The following SLC1A2 variants were observed in gnomAD, a reference collection of about 807,000 sequenced individuals.
SLC1A2 encodes the protein excitatory amino acid transporter 2.
SLC1A2 carries 15 observed loss-of-function variants against 48.8 expected under a neutral mutation model. The ratio of observed to expected loss-of-function variants is 0.31; its 90% CI spans 0.21 to 0.47. SLC1A2 has a LOEUF of 0.47. Among genes scored for constraint, SLC1A2 ranks in the 20% least tolerant of loss-of-function variants. The probability of loss-of-function intolerance (pLI) is 0.99; values close to 1 mark genes in which losing one functional copy is unlikely to be tolerated. For synonymous variants in SLC1A2, 279 were observed against 272.6 expected (o/e 1.02, Z -0.23); for missense variants, 502 against 730.5 (o/e 0.69, Z 3.61).
chr11:35,324,786 T>G (rs1392427948), intron 1 of SLC1A2, among the ~76,000 whole-genome samples: 1 of 152,058 alleles, frequency 6.6e-6, no homozygotes, highest in Non-Finnish European at 1.5e-5. Flanking sequence ...TTCTGTGAAA[T>G]CCTTCCCCAG....
At chr11:35,388,802 G>A (rs1854664620) in intron 1 of SLC1A2, among the ~76,000 whole-genome samples, 1 of 152,184 alleles carries the variant, frequency 6.6e-6, no homozygotes, top group Non-Finnish European at 1.5e-5. Context: ...CGGATGCTCA[G>A]AAAGCATGAG....
chr11:35,302,125 G>A (rs1040116079), intron 5 of SLC1A2, among the ~76,000 whole-genome samples: 2 of 152,170 alleles, frequency 1.3e-5, no homozygotes, highest in African/African-American at 2.4e-5. Flanking sequence ...CCAAATCAAT[G>A]CATGGCTGGT....
intron 1 of SLC1A2, among the ~76,000 whole-genome samples, chr11:35,383,892 G>A (rs1337668524): frequency 6.6e-6 from 1 of 152,118 alleles, no homozygotes; most frequent in Non-Finnish European, 1.5e-5. Flanking sequence ...GTACATCTAT[G>A]GTGTGACATC....
intron 1 of SLC1A2, among the ~76,000 whole-genome samples, chr11:35,370,504 C>T (rs1236975828): frequency 6.6e-6 from 1 of 152,150 alleles, no homozygotes; most frequent in African/African-American, 2.4e-5. Context: ...GGCAACTGTG[C>T]CTCACCAAGA....
intron 1 of SLC1A2, among the ~76,000 whole-genome samples, chr11:35,394,845 A>G (rs1854902526): frequency 6.6e-6 from 1 of 152,192 alleles, no homozygotes; most frequent in Non-Finnish European, 1.5e-5. Context: ...AATAAAGACA[A>G]CTGTTCTTCT....
At chr11:35,263,378 GA>G (rs1374477679) in intron 10 of SLC1A2, among the ~76,000 whole-genome samples, 1 of 152,132 alleles carries the variant, frequency 6.6e-6, no homozygotes, top group Non-Finnish European at 1.5e-5. Context: ...TGAGGCAGGA[GA>G]ATTGCTTGAA....
chr11:35,287,975 G>T (rs955472594), intron 7 of SLC1A2, among the ~76,000 whole-genome samples: 3 of 152,118 alleles, frequency 2.0e-5, no homozygotes, highest in Non-Finnish European at 2.9e-5. Context: ...AACATTTGGA[G>T]GTGTTTTCTC....
intron 1 of SLC1A2, among the ~76,000 whole-genome samples, chr11:35,319,247 C>T (rs558656388): frequency 1.3e-5 from 2 of 152,264 alleles, no homozygotes; most frequent in Admixed American, 1.3e-4. Context: ...ATTCATTTTA[C>T]AACACAGCAG....
At chr11:35,374,301 T>C in intron 1 of SLC1A2, 1 of 1,038,296 alleles carries the variant, frequency 9.6e-7, no homozygotes, top group Non-Finnish European at 1.4e-6. Flanking sequence ...GGCCACAGAA[T>C]TCTCTCCAGA....
At chr11:35,413,070 T>C (rs974876001) in intron 1 of SLC1A2, among the ~76,000 whole-genome samples, 1 of 152,312 alleles carries the variant, frequency 6.6e-6, no homozygotes, top group Admixed American at 6.5e-5. Flanking sequence ...CACTAGGCAA[T>C]GGTGTATACC....
At chr11:35,355,716 C>T (rs907709353) in intron 1 of SLC1A2, among the ~76,000 whole-genome samples, 1 of 152,112 alleles carries the variant, frequency 6.6e-6, no homozygotes, top group African/African-American at 2.4e-5. Flanking sequence ...GAAACCCCAC[C>T]TCTACTAAAA....
chr11:35,356,826 T>C (rs1451476330), intron 1 of SLC1A2, among the ~76,000 whole-genome samples: 3 of 152,244 alleles, frequency 2.0e-5, no homozygotes, highest in Non-Finnish European at 4.4e-5. Flanking sequence ...TACATAAAAA[T>C]GTAAAACTAA....
Position 35,394,142 on chromosome 11 carries a change from T to A in SLC1A2, c.17+24808A>T, listed in dbSNP as rs77595784. The stretch of plus-strand genomic sequence containing the variant: ...CAACCCTAGGGTCTAACTTTTTTTT[T>A]AAGTAAACTCCTCCTACCCACCCAC... On this transcript the variant is annotated intron_variant, in intron 1 of 10. Transcript: ENST00000278379. 3.9e-5 allele frequency among the ~76,000 whole-genome samples: 6 copies of A among 152,170 alleles called. No homozygotes were observed. The East Asian group carries it at 1.2e-3, about 29-fold the overall frequency.
intron 2 of SLC1A2, 112 bp downstream of exon 2, chr11:35,317,265 C>A: frequency 8.2e-7 from 1 of 1,213,628 alleles, no homozygotes; most frequent in Non-Finnish European, 1.2e-6. Flanking sequence ...CCTAGGCAAA[C>A]CACGTGGCTT....
rs778399223 is a variant in SLC1A2, at chr11:35,252,939, A to C, written c.*7955T>G. On this transcript the variant is annotated 3_prime_UTR_variant, in exon 11 of 11. Coordinates refer to ENST00000278379, the MANE Select transcript of SLC1A2 (RefSeq NM_004171.4). ...CTTGAAAATAGATACAATTATTGCC[A>C]GTCGAGGGTACATCTAATCTGTTTG... 2.0e-5 allele frequency: 3 copies of C among 152,630 alleles called. No individual in the cohort carries two copies. Among genetic ancestry groups the C allele is most frequent in the Non-Finnish European group, 4.4e-5 (3 of 68,036 alleles). 9.5% of individuals were successfully genotyped at this position (152,630 alleles called of 1,614,324 possible). A position where few individuals can be genotyped will look rare whatever the true frequency, so the allele number is the denominator to read the frequency against.
intron 1 of SLC1A2, chr11:35,360,147 G>C (rs1370757849): frequency 1.1e-6 from 1 of 950,748 alleles, no homozygotes; most frequent in African/African-American, 1.8e-5. Flanking sequence ...GCTGTCGGGG[G>C]CTTTAAAGTT....
At chr11:35,263,416 C>T (rs892928221) in intron 10 of SLC1A2, among the ~76,000 whole-genome samples, 9 of 151,912 alleles carry the variant, frequency 5.9e-5, no homozygotes, top group South Asian at 4.2e-4. Context: ...TGTGGTGAGC[C>T]GAGAGCACGC....
intron 9 of SLC1A2, among the ~76,000 whole-genome samples, chr11:35,270,460 T>C (rs1850250941): frequency 6.6e-6 from 1 of 152,238 alleles, no homozygotes; most frequent in African/African-American, 2.4e-5. Context: ...TAGTTTGAGT[T>C]CTTTGTTAGT....
At chr11:35,265,456 T>G (rs1290966602) in intron 10 of SLC1A2, 71 bp downstream of exon 10, 4 of 824,828 alleles carry the variant, frequency 4.8e-6, no homozygotes, top group Admixed American at 2.3e-5. Context: ...CTTTACGGTT[T>G]TTTTTTTTTT....
Sources: allele counts gnomAD v4.1 joint callset (sites outside exome capture counted in the v4.1 genomes callset), GRCh38; gene constraint gnomAD v4.1.1; transcripts MANE v1.5; gene names NCBI Gene and HGNC (gene_info 2026-07-23, HGNC 2026-07-21).